Variants in NBDY observed in about 807,000 individuals in gnomAD.
The protein encoded by NBDY is P-body dissociating protein.
intron 2 of NBDY, among the ~76,000 whole-genome samples, chrX:56,789,871 A>G (rs2069751560): frequency 9.0e-6 from 1 of 111,489 alleles, no homozygotes; most frequent in Non-Finnish European, 1.9e-5. Context: ...GGGTAGCCAG[A>G]GCCCAGACAG....
At chrX:56,731,219 T>C (rs1471008523) in intron 1 of NBDY, among the ~76,000 whole-genome samples, 1 of 109,776 alleles carries the variant, frequency 9.1e-6, no homozygotes, top group East Asian at 2.8e-4. Context: ...AAAGGGGTAG[T>C]GGAGTGGAAG....
rs183884153 is a variant in NBDY at position 56,759,322 on chromosome X, C to A, written c.*166+27123C>A. Among the ~76,000 whole-genome samples, 926 of 111,900 alleles carry A rather than the reference C, an allele frequency of 8.3e-3. 9 individuals are homozygous for A. The highest frequency in any genetic ancestry group is 0.029 in the African/African-American group (882 of 30,742). On this transcript the variant is annotated intron_variant, in intron 2 of 2. Transcript: ENST00000374922. ...CATGATTATGTGTCCTTTGTCATTA[C>A]TTTCTGCACTAGAAGCAGCCACAAA... is the stretch of plus-strand genomic sequence containing the variant.
At chrX:56,785,350 C>G (rs1403551383) in intron 2 of NBDY, among the ~76,000 whole-genome samples, 7 of 111,001 alleles carry the variant, frequency 6.3e-5, no homozygotes, top group Non-Finnish European at 1.1e-4. Flanking sequence ...TGTCAGAGGA[C>G]CTCGTTTTTA....
intron 2 of NBDY, among the ~76,000 whole-genome samples, chrX:56,813,842 C>T (rs2069898369): frequency 1.8e-5 from 2 of 111,674 alleles, no homozygotes; most frequent in South Asian, 3.8e-4. Context: ...AAAACTTACA[C>T]TCGGAAAGGA....
rs1176853311 is a variant in NBDY, at chrX:56,799,100, G to A, written c.*167-18220G>A. Among the ~76,000 whole-genome samples the A allele has an allele frequency of 5.3e-5, 6 of 112,200 alleles. No individual in the cohort carries two copies. In the East Asian group the frequency reaches 1.7e-3, roughly 32 times the overall value. ...AGCCCCCAGGCTGAAGCTGGGAGAG[G>A]AACTCCTGTCTGGCCCATGGTCTAT... On this transcript the variant is annotated intron_variant, in intron 2 of 2. Coordinates refer to ENST00000374922, the MANE Select transcript of NBDY (RefSeq NM_001348129.2).
intron 2 of NBDY, among the ~76,000 whole-genome samples, chrX:56,811,843 C>CA (rs1453106780): frequency 8.9e-6 from 1 of 111,992 alleles, no homozygotes; most frequent in Admixed American, 9.4e-5. Context: ...GGTGTCTGCC[C>CA]AAACGGCCAC....
chrX:56,737,537 A>G, intron 2 of NBDY: 1 of 953,273 alleles, frequency 1.0e-6, no homozygotes, highest in Admixed American at 2.3e-5. Context: ...AATACCATCC[A>G]GCCACTTGCC....
At chrX:56,788,373 G>C (rs1327269553) in intron 2 of NBDY, among the ~76,000 whole-genome samples, 1 of 113,124 alleles carries the variant, frequency 8.8e-6, no homozygotes, top group Non-Finnish European at 1.9e-5. Flanking sequence ...GAGGGAGCTG[G>C]GCACAAGTGC....
At chrX:56,767,712 T>C (rs2069674931) in intron 2 of NBDY, among the ~76,000 whole-genome samples, 1 of 111,590 alleles carries the variant, frequency 9.0e-6, no homozygotes, top group Non-Finnish European at 1.9e-5. Flanking sequence ...TTCTCCTTCC[T>C]CTTTGCTTTT....
At chrX:56,738,275 G>C (rs1389065129) in intron 2 of NBDY, among the ~76,000 whole-genome samples, 1 of 112,023 alleles carries the variant, frequency 8.9e-6, no homozygotes, top group African/African-American at 3.2e-5. Context: ...GACACTGATT[G>C]TGTGGAAAAA....
At chrX:56,744,191 AT>A (rs990855978) in intron 2 of NBDY, among the ~76,000 whole-genome samples, 6 of 110,951 alleles carry the variant, frequency 5.4e-5, no homozygotes, top group African/African-American at 2.0e-4. Context: ...TATTATTTCA[AT>A]TTTTTTGAAT....
chrX:56,784,912 G>T (rs893016520), intron 2 of NBDY, among the ~76,000 whole-genome samples: 1 of 112,460 alleles, frequency 8.9e-6, no homozygotes, highest in Non-Finnish European at 1.9e-5. Context: ...TACCCATGCC[G>T]CTCAGTGCCT....
At chrX:56,805,609 C>T (rs1345459791) in intron 2 of NBDY, among the ~76,000 whole-genome samples, 1 of 111,903 alleles carries the variant, frequency 8.9e-6, no homozygotes, top group Non-Finnish European at 1.9e-5. Context: ...GGGACCAGGG[C>T]AGCCTCCAGG....
intron 2 of NBDY, among the ~76,000 whole-genome samples, chrX:56,755,580 A>T (rs1211035172): frequency 8.9e-6 from 1 of 112,090 alleles, no homozygotes; most frequent in Non-Finnish European, 1.9e-5. Context: ...GCAAATCAAA[A>T]CCACAATGAG....
chrX:56,805,485 G>A (rs1374227930), intron 2 of NBDY, among the ~76,000 whole-genome samples: 1 of 112,200 alleles, frequency 8.9e-6, no homozygotes, highest in Non-Finnish European at 1.9e-5. Flanking sequence ...CTCTAACTGG[G>A]CAGGGTTCCT....
chrX:56,793,853 A>G (rs2069776697), intron 2 of NBDY, among the ~76,000 whole-genome samples: 1 of 111,419 alleles, frequency 9.0e-6, no homozygotes, highest in African/African-American at 3.3e-5. Context: ...GGCAGTCTCC[A>G]GGAACTGCCA....
intron 2 of NBDY, among the ~76,000 whole-genome samples, chrX:56,747,362 G>C (rs2069562894): frequency 8.9e-6 from 1 of 111,888 alleles, no homozygotes; most frequent in African/African-American, 3.2e-5. Context: ...CTCCTGTATT[G>C]ATCAATATCT....
At chrX:56,802,286 T>C (rs748064039) in intron 2 of NBDY, among the ~76,000 whole-genome samples, 1 of 112,187 alleles carries the variant, frequency 8.9e-6, no homozygotes, top group Non-Finnish European at 1.9e-5. Flanking sequence ...TGGAGCCTCC[T>C]GGGTCAACCT....
chrX:56,733,727 C>T (rs1330059012), intron 2 of NBDY, among the ~76,000 whole-genome samples: 1 of 112,322 alleles, frequency 8.9e-6, no homozygotes, highest in Non-Finnish European at 1.9e-5. Context: ...GTCTTGTTCA[C>T]TTTCTAACCA....
Sources: allele counts gnomAD v4.1 joint callset (sites outside exome capture counted in the v4.1 genomes callset), GRCh38; gene constraint gnomAD v4.1.1; transcripts MANE v1.5; gene names NCBI Gene and HGNC (gene_info 2026-07-23, HGNC 2026-07-21).